The following CSMD1 variants were observed in gnomAD, a reference collection of about 807,000 sequenced individuals.
CSMD1 encodes the protein CUB and Sushi multiple domains 1.
In CSMD1, 213 loss-of-function variants were observed where a neutral mutation model predicts 417.5. The ratio of observed to expected loss-of-function variants is 0.51; its 90% CI spans 0.46 to 0.57. The LOEUF is 0.57. CSMD1 is among the 20% of genes least tolerant of loss of function. CSMD1 has a pLI of 0.00. For synonymous variants in CSMD1, 2,862 were observed against 1,736.8 expected, an observed-to-expected ratio of 1.65 and a Z score of -16.11; for missense variants, 6,923 against 4,529.7, an observed-to-expected ratio of 1.53 and a Z score of -15.17.
intron 1 of CSMD1, among the ~76,000 whole-genome samples, chr8:4,905,220 C>A (rs772945744): frequency 6.6e-6 from 1 of 152,108 alleles, no homozygotes; most frequent in Non-Finnish European, 1.5e-5. Context: ...GATTTTCATA[C>A]AGGCATTATC....
chr8:4,321,803 G>T (rs547246190), intron 3 of CSMD1, among the ~76,000 whole-genome samples: 2 of 152,166 alleles, frequency 1.3e-5, no homozygotes, highest in East Asian at 3.9e-4. Context: ...AATTTACAAA[G>T]TACTAAATAT....
intron 5 of CSMD1, among the ~76,000 whole-genome samples, chr8:3,811,075 T>C (rs1445333729): frequency 6.6e-6 from 1 of 152,246 alleles, no homozygotes; most frequent in Admixed American, 6.5e-5. Context: ...CTGTTTTTCC[T>C]GAGATCGTGA....
chr8:4,659,718 G>C (rs1397990060), intron 1 of CSMD1, among the ~76,000 whole-genome samples: 1 of 152,122 alleles, frequency 6.6e-6, no homozygotes, highest in Non-Finnish European at 1.5e-5. Flanking sequence ...TACAGATGGA[G>C]GTGGTAGTTA....
In CSMD1 at chr8:3,229,980, T is replaced by C. The variant is rs774475035; in HGVS notation, c.4345+60A>G. The C allele has an allele frequency of 2.4e-6, 3 of 1,248,222 alleles. No individual in the cohort carries two copies. The Admixed American group carries it at 7.9e-5, about 33-fold the overall frequency. The allele number at this position is 1,248,222 out of a possible 1,614,324, so 77.3% of individuals were successfully genotyped here. A position where few individuals can be genotyped will look rare whatever the true frequency, so the allele number is the denominator to read the frequency against. ...AGAAATAATACATTTACGGAGCGCTTTTAACGACAACATGCATCCATTCCT... is the reference window on the plus strand; with the variant it reads ...AGAAATAATACATTTACGGAGCGCTCTTAACGACAACATGCATCCATTCCT... On this transcript the variant is annotated intron_variant, in intron 27 of 69. Coordinates refer to ENST00000635120, the MANE Select transcript of CSMD1 (RefSeq NM_033225.6).
intron 3 of CSMD1, among the ~76,000 whole-genome samples, chr8:4,076,905 T>G (rs1451211143): frequency 6.6e-6 from 1 of 152,170 alleles, no homozygotes; most frequent in Non-Finnish European, 1.5e-5. Context: ...ACTACTGAAA[T>G]TTTGAACTAT....
intron 3 of CSMD1, among the ~76,000 whole-genome samples, chr8:4,284,300 G>T (rs1049276752): frequency 6.6e-6 from 1 of 152,058 alleles, no homozygotes; most frequent in Admixed American, 6.5e-5. Context: ...CCCAGGAGGC[G>T]GAGGTTGCCG....
intron 3 of CSMD1, among the ~76,000 whole-genome samples, chr8:4,229,229 T>G (rs1209214192): frequency 6.6e-6 from 1 of 152,130 alleles, no homozygotes; most frequent in Non-Finnish European, 1.5e-5. Context: ...ATTGGCCAAT[T>G]TGGCTAGTCC....
intron 5 of CSMD1, among the ~76,000 whole-genome samples, chr8:3,967,469 A>T (rs1812758314): frequency 6.7e-6 from 1 of 149,824 alleles, no homozygotes; most frequent in South Asian, 2.1e-4. Context: ...AAAAAAAAAA[A>T]ACAGATGGAA....
rs567962873 is a variant in CSMD1 at position 3,987,681 on chromosome 8, G to A, written c.818+10222C>T. Among the ~76,000 whole-genome samples the A allele has an allele frequency of 2.6e-5, 4 of 152,274 alleles. No individual in the cohort carries two copies. The East Asian group carries it at 7.7e-4, about 29-fold the overall frequency. ...GAGACAGTTCCCAGACAGAGAAAATGGATTGAAAACAGGAAACTGCAAGGT... is the reference window on the plus strand; with the variant it reads ...GAGACAGTTCCCAGACAGAGAAAATAGATTGAAAACAGGAAACTGCAAGGT... On this transcript the variant is annotated intron_variant, in intron 5 of 69. Coordinates refer to ENST00000635120, the MANE Select transcript of CSMD1 (RefSeq NM_033225.6).
intron 5 of CSMD1, among the ~76,000 whole-genome samples, chr8:3,866,611 T>C (rs1270592347): frequency 6.6e-6 from 1 of 152,156 alleles, no homozygotes; most frequent in African/African-American, 2.4e-5. Flanking sequence ...CTTCTTTCCA[T>C]CCCTCAAACC....
chr8:3,107,826 T>A (rs1448980090), intron 44 of CSMD1, 28 bp from the exon 45 acceptor site: 9 of 1,392,798 alleles, frequency 6.5e-6, no homozygotes, highest in African/African-American at 1.5e-5. Flanking sequence ...AGAATAATAA[T>A]AATTGCAATT....
chr8:3,311,653 T>C (rs1391032749), intron 23 of CSMD1, among the ~76,000 whole-genome samples: 1 of 152,214 alleles, frequency 6.6e-6, no homozygotes, highest in Non-Finnish European at 1.5e-5. Flanking sequence ...GTGCCCAAAG[T>C]ATACTTTCTA....
intron 5 of CSMD1, among the ~76,000 whole-genome samples, chr8:3,875,902 T>C (rs1805784414): frequency 6.6e-6 from 1 of 152,130 alleles, no homozygotes; most frequent in African/African-American, 2.4e-5. Context: ...ACAAGCAAAT[T>C]TCCATGTTTC....
intron 6 of CSMD1, among the ~76,000 whole-genome samples, chr8:3,736,723 G>C (rs74944708): frequency 0.063 from 9,633 of 152,260 alleles, 351 homozygotes; most frequent in Middle Eastern, 0.1. Context: ...GCTTCACACT[G>C]CCTGGCTTCA....
intron 10 of CSMD1, among the ~76,000 whole-genome samples, chr8:3,504,014 C>T (rs1401673333): frequency 6.6e-6 from 1 of 152,062 alleles, no homozygotes; most frequent in Admixed American, 6.5e-5. Flanking sequence ...GCAATCAGTT[C>T]CAGTGTTCGA....
chr8:4,416,776 G>C (rs909247808), intron 3 of CSMD1, among the ~76,000 whole-genome samples: 1 of 151,910 alleles, frequency 6.6e-6, no homozygotes. Context: ...TGACTTCCTA[G>C]ATGTTTTTCT....
Position 4,140,952 on chromosome 8 carries a change from C to G in CSMD1, c.416-108853G>C, listed in dbSNP as rs1031757063. ...ACTTCAACACCAACAACAAAAAGTCCTCGTATCTCAATAAATGGGAAGAAA... is the reference window on the plus strand; with the variant it reads ...ACTTCAACACCAACAACAAAAAGTCGTCGTATCTCAATAAATGGGAAGAAA... On this transcript the variant is annotated intron_variant, in intron 3 of 69. Coordinates refer to ENST00000635120, the MANE Select transcript of CSMD1 (RefSeq NM_033225.6). 3.3e-5 allele frequency among the ~76,000 whole-genome samples: 5 copies of G among 151,136 alleles called. No homozygotes were observed. In the South Asian group the frequency reaches 8.3e-4, roughly 25 times the overall value.
At chr8:3,971,695 A>C (rs1022231537) in intron 5 of CSMD1, among the ~76,000 whole-genome samples, 1 of 152,168 alleles carries the variant, frequency 6.6e-6, no homozygotes, top group African/African-American at 2.4e-5. Context: ...AAAGGATGCA[A>C]GGATACGAGC....
chr8:2,951,134 G>A lies in CSMD1; in HGVS notation c.10181C>T (p.Pro3394Leu), dbSNP rs761892564. 6.2e-7 allele frequency: 1 copy of A among 1,613,326 alleles called. No homozygotes were observed. Among genetic ancestry groups the A allele is most frequent in the East Asian group, 2.2e-5 (1 of 44,860 alleles). The change falls in exon 66 of 70, where the codon CCA (proline) becomes CTA (leucine). Residue 3394 changes from proline (P) to leucine (L), a missense_variant. Pro to Leu is a moderately conservative substitution (Grantham distance 98, BLOSUM62 -3). Transcript: ENST00000635120. ...CCTACCTGTCAACTTCAGCTCCACTGGCGAGGCTTCGCTGAAGGTGGCATT... is the reference window on the plus strand; with the variant it reads ...CCTACCTGTCAACTTCAGCTCCACTAGCGAGGCTTCGCTGAAGGTGGCATT... The part of the protein sequence containing the change: ...KVNATFSEAS[P>L]VELKLTGIYK...
Sources: allele counts gnomAD v4.1 joint callset (sites outside exome capture counted in the v4.1 genomes callset), GRCh38; gene constraint gnomAD v4.1.1; transcripts MANE v1.5; gene names NCBI Gene and HGNC (gene_info 2026-07-23, HGNC 2026-07-21).